Variants in HSPG2 observed in about 807,000 individuals in gnomAD.
HSPG2 encodes the protein basement membrane-specific heparan sulfate proteoglycan core protein.
Under a neutral mutation model 526.6 loss-of-function variants are expected in HSPG2, and 278 were observed. The observed-to-expected ratio is 0.53, with a 90% CI of 0.48 to 0.58. The LOEUF (loss-of-function observed/expected upper bound fraction) is 0.58. HSPG2 is among the 20% of genes least tolerant of loss of function. The pLI is 0.00. For missense variants in HSPG2, 5,354 were observed against 6,099.5 expected (o/e 0.88, Z 4.07); for synonymous variants, 2,465 against 2,555.4 (o/e 0.96, Z 1.07).
At chr1:21,924,499 T>C (rs1351518649) in intron 1 of HSPG2, among the ~76,000 whole-genome samples, 1 of 151,374 alleles carries the variant, frequency 6.6e-6, no homozygotes, top group Non-Finnish European at 1.5e-5. Flanking sequence ...TTTTGGGGGG[T>C]AGTGAGCAGT....
intron 62 of HSPG2, 123 bp from the exon 63 acceptor site, chr1:21,846,722 G>A (rs1280162171): frequency 4.1e-5 from 46 of 1,114,392 alleles, no homozygotes; most frequent in Non-Finnish European, 5.6e-5. Flanking sequence ...ACACTTGGCC[G>A]GGCATGGTGG....
At chr1:21,860,040 A>G (rs374586241) in intron 40 of HSPG2, 38 bp from the exon 41 acceptor site, 17 of 1,605,062 alleles carry the variant, frequency 1.1e-5, no homozygotes, top group East Asian at 4.5e-5. Context: ...GCCTTTCAGC[A>G]TTGTCTTCAA....
chr1:21,835,032 A>G (rs1411830436), intron 76 of HSPG2, 87 bp from the exon 77 acceptor site: 10 of 1,430,874 alleles, frequency 7.0e-6, no homozygotes, highest in Non-Finnish European at 8.7e-6. Flanking sequence ...AGGAAAGGTG[A>G]GCACTGAAGC....
intron 1 of HSPG2, among the ~76,000 whole-genome samples, chr1:21,933,331 G>A (rs1260825479): frequency 6.6e-6 from 1 of 152,170 alleles, no homozygotes; most frequent in African/African-American, 2.4e-5. Context: ...GCTATATTAA[G>A]TCAGGGGCTG....
intron 91 of HSPG2, among the ~76,000 whole-genome samples, chr1:21,825,944 C>T (rs1005567946): frequency 9.2e-5 from 14 of 152,126 alleles, no homozygotes; most frequent in African/African-American, 3.4e-4. Flanking sequence ...CACCACCACA[C>T]CTGGCTAATT....
rs1234473043 is a variant in HSPG2 at position 21,872,367 on chromosome 1, T to C, written c.4040A>G (p.His1347Arg). ...SAYTRHLIST[H>R]FAPGDFQGFA... ...GCCTTGGAAGTCCCCAGGGGCAAAGTGGGTGGAGATCTGGCAGGGGAAAAA... is the reference window on the plus strand; with the variant it reads ...GCCTTGGAAGTCCCCAGGGGCAAAGCGGGTGGAGATCTGGCAGGGGAAAAA... The change falls in exon 33 of 97, where the codon CAC becomes CGC. Residue 1347 changes from histidine (H) to arginine (R), a missense_variant. By Grantham distance (29) the His-to-Arg change is conservative (BLOSUM62 0). Transcript: ENST00000374695. This position sits in a 1 kb window ranked among gnomAD's most constrained non-coding sequence, Gnocchi z 5.5. The C allele has an allele frequency of 1.3e-6, 2 of 1,570,832 alleles. No homozygotes were observed. Among genetic ancestry groups the C allele is most frequent in the Non-Finnish European group, 1.7e-6 (2 of 1,156,526 alleles).
intron 64 of HSPG2, among the ~76,000 whole-genome samples, chr1:21,844,953 A>G (rs1638307094): frequency 6.6e-6 from 1 of 152,214 alleles, no homozygotes; most frequent in Admixed American, 6.5e-5. Context: ...ACTTTAAAAA[A>G]GCCTTAACTA....
At position 21,864,746 on chromosome 1, in the gene HSPG2, A is replaced by G; in HGVS notation, c.4626+97T>C. 2.0e-6 allele frequency: 2 copies of G among 980,360 alleles called. No homozygotes were observed. The highest frequency in any genetic ancestry group is 1.6e-5 in the African/African-American group (1 of 62,552). The allele number at this position is 980,360 out of a possible 1,614,324, so 60.7% of individuals were successfully genotyped here. A position where few individuals can be genotyped will look rare whatever the true frequency, so the allele number is the denominator to read the frequency against. On this transcript the variant is annotated intron_variant, in intron 36 of 96. Coordinates refer to ENST00000374695, the MANE Select transcript of HSPG2 (RefSeq NM_005529.7). The surrounding 1 kb of genome is among the most constrained non-coding windows in gnomAD (Gnocchi z 4.8). Reference sequence around the variant, plus strand: ...AGGGCCCAGATGCAGGGGTCATTATAGTTATGATGGTAATCAAGGCTGCGG... The same window carrying G: ...AGGGCCCAGATGCAGGGGTCATTATGGTTATGATGGTAATCAAGGCTGCGG...
At chr1:21,908,254 C>T (rs1369108209) in intron 1 of HSPG2, 3 of 1,017,520 alleles carry the variant, frequency 2.9e-6, no homozygotes, top group South Asian at 1.3e-5. Context: ...AAAAGGAACG[C>T]CCCACAAGTG....
chr1:21,902,348 C>T (rs12758401), intron 1 of HSPG2, among the ~76,000 whole-genome samples: 1,718 of 152,316 alleles, frequency 0.011, 21 homozygotes, highest in South Asian at 0.022. Context: ...AGGAGAAATA[C>T]GGACGCCCCC....
At chr1:21,905,171 C>CCA (rs759299090) in intron 1 of HSPG2, among the ~76,000 whole-genome samples, 2,704 of 81,736 alleles carry the variant, frequency 0.033, 36 homozygotes, top group South Asian at 0.047. Context: ...CACCACCCAC[C>CCA]CACACACACA....
intron 1 of HSPG2, chr1:21,908,010 T>C: frequency 1.5e-6 from 1 of 667,012 alleles, no homozygotes; most frequent in Non-Finnish European, 2.8e-6. Flanking sequence ...AGATGTAAAA[T>C]GCTACAGATA....
At chr1:21,837,997 G>A (rs756661238) in intron 74 of HSPG2, among the ~76,000 whole-genome samples, 41 of 151,940 alleles carry the variant, frequency 2.7e-4, no homozygotes, top group Non-Finnish European at 1.2e-4. Context: ...TTAGCCAAGC[G>A]TGGTGGCGCG....
At chr1:21,823,553 C>T (rs924145474) in intron 96 of HSPG2, 63 bp downstream of exon 96, 20 of 1,609,452 alleles carry the variant, frequency 1.2e-5, no homozygotes, top group African/African-American at 5.3e-5. Context: ...GAAGGCTGGG[C>T]GAGCTCTAGC....
Position 21,841,607 on chromosome 1 carries a change from C to T in HSPG2, c.9260G>A (p.Gly3087Asp). ...ATTGGAGGCCACGCAGCGGTAGGTACCGTGGTTGCTGGGCCGGGTGCCCAC... is the reference window on the plus strand; with the variant it reads ...ATTGGAGGCCACGCAGCGGTAGGTATCGTGGTTGCTGGGCCGGGTGCCCAC... ...TIVGTRPSNH[G>D]TYRCVASNAY... Residue 3087 changes from glycine to aspartate, a missense_variant, in exon 70 of 97, where the codon GGT (glycine) becomes GAT (aspartate). By Grantham distance (94) the Gly-to-Asp change is moderately conservative. Transcript: ENST00000374695. The T allele has an allele frequency of 6.2e-7, 1 of 1,614,164 alleles. No homozygotes were observed. The highest frequency in any genetic ancestry group is 8.5e-7 in the Non-Finnish European group (1 of 1,180,010).
chr1:21,874,434 G>T lies in HSPG2; in HGVS notation c.3628C>A (p.Pro1210Thr). The T allele has an allele frequency of 1.2e-6, 2 of 1,611,828 alleles. No homozygotes were observed. Among genetic ancestry groups the T allele is most frequent in the Non-Finnish European group, 1.7e-6 (2 of 1,179,872 alleles). Residue 1210 changes from proline (P) to threonine (T), a missense_variant, in exon 28 of 97, where the codon CCC becomes ACC. By Grantham distance (38) the Pro-to-Thr change is conservative (BLOSUM62 -1). Coordinates refer to ENST00000374695, the MANE Select transcript of HSPG2 (RefSeq NM_005529.7). The part of the protein sequence containing the change: ...RGTPQDCQLC[P>T]CYGDPAAGQA... ...CCGGCAGCAGGGTCTCCGTAGCAGG[G>T]GCACAGCTGGCAGTCCTGTGGTGTC...
At position 21,854,310 on chromosome 1, in the gene HSPG2, A is replaced by G; in HGVS notation, c.6322T>C (p.Ser2108Pro). The G allele has an allele frequency of 6.4e-7, 1 of 1,573,172 alleles. No individual in the cohort carries two copies. The highest frequency in any genetic ancestry group is 8.6e-7 in the Non-Finnish European group (1 of 1,158,966). The part of the protein sequence containing the change: ...HGSRLRLPQV[S>P]PADSGEYVCR... ...ACATATTCTCCAGAATCAGCTGGTG[A>G]GACCTGGGGGAGCCGCAGACGGGAG... The change falls in exon 50 of 97, where the codon TCA (serine) becomes CCA (proline). Residue 2108 changes from serine to proline, a missense_variant. By Grantham distance (74) the Ser-to-Pro change is moderately conservative. Transcript: ENST00000374695.
In HSPG2 at chr1:21,905,814, C is replaced by T. The variant is rs528249494; in HGVS notation, c.64-9504G>A. On this transcript the variant is annotated intron_variant, in intron 1 of 96. Coordinates refer to ENST00000374695, the MANE Select transcript of HSPG2 (RefSeq NM_005529.7). ...TTACTTGAGGCCAGGCGTTCAAGACCAGCCTGGACAACATAGTGAGACTCT... is the reference window on the plus strand; with the variant it reads ...TTACTTGAGGCCAGGCGTTCAAGACTAGCCTGGACAACATAGTGAGACTCT... Among the ~76,000 whole-genome samples, 202 of 152,276 alleles carry T rather than the reference C, an allele frequency of 1.3e-3. 2 individuals are homozygous for T. The highest frequency in any genetic ancestry group is 4.5e-3 in the African/African-American group (188 of 41,562).
chr1:21,849,923 C>T, intron 57 of HSPG2, 118 bp downstream of exon 57: 2 of 1,261,760 alleles, frequency 1.6e-6, no homozygotes, highest in Non-Finnish European at 2.3e-6. Context: ...CGTGATCTTC[C>T]TGCCTTGGCC....
Sources: allele counts gnomAD v4.1 joint callset (sites outside exome capture counted in the v4.1 genomes callset), GRCh38; gene constraint gnomAD v4.1.1; non-coding constraint Gnocchi (gnomAD v3.1); transcripts MANE v1.5; gene names NCBI Gene and HGNC (gene_info 2026-07-23, HGNC 2026-07-21).